Variants in TNRC6B observed in about 807,000 individuals in gnomAD.
The protein encoded by TNRC6B is trinucleotide repeat containing adaptor 6B.
Under a neutral mutation model 203.6 loss-of-function variants are expected in TNRC6B, and 52 were observed. The observed-to-expected ratio is 0.26, with a 90% CI of 0.20 to 0.32. TNRC6B has a LOEUF of 0.32. TNRC6B is among the 10% of genes least tolerant of loss of function. The pLI is 1.00. For synonymous variants in TNRC6B, 838 were observed against 845.7 expected (o/e 0.99, Z 0.16); for missense variants, 1,923 against 2,286.2 (o/e 0.84, Z 3.24).
In TNRC6B at chr22:40,266,686, A is replaced by G; in HGVS notation, c.2456A>G (p.Gln819Arg). 1 of 1,613,934 alleles carries G rather than the reference A, an allele frequency of 6.2e-7. No homozygotes were observed. The highest frequency in any genetic ancestry group is 8.5e-7 in the Non-Finnish European group (1 of 1,179,852). ...CGACAGCCCAATTCCTGGAATAAAC[A>G]ACACCAACAGCAGCAGCCCCCACAG... is the stretch of plus-strand genomic sequence containing the variant. ...TGRQPNSWNK[Q>R]HQQQQPPQQP... is the part of the protein sequence containing the mutation. The change falls in exon 5 of 23, where the codon CAA becomes CGA. Residue 819 changes from glutamine to arginine, a missense_variant. Physicochemically the swap from Gln to Arg is conservative, Grantham distance 43 (BLOSUM62 1). Transcript: ENST00000454349.
At chr22:40,100,235 T>G (rs984821162) in intron 1 of TNRC6B, among the ~76,000 whole-genome samples, 1 of 152,046 alleles carries the variant, frequency 6.6e-6, no homozygotes, top group South Asian at 2.1e-4. Context: ...TACAGGCCTG[T>G]GCCACCACAC....
rs563863871 is a variant in TNRC6B at position 40,321,522 on chromosome 22, C to T, written c.5114+293C>T. 7 of 293,136 alleles carry T rather than the reference C, an allele frequency of 2.4e-5. No homozygotes were observed. The East Asian group carries it at 3.2e-4, about 13-fold the overall frequency. 18.2% of individuals were successfully genotyped at this position (293,136 alleles called of 1,614,324 possible). A position where few individuals can be genotyped will look rare whatever the true frequency, so the allele number is the denominator to read the frequency against. ...TAAAGCTAGGGCCGGGCACAGTGGC[C>T]CATGCCTGTAATCCCAGCACTTTGG... On this transcript the variant is annotated intron_variant, in intron 22 of 22. Coordinates refer to ENST00000454349, the MANE Select transcript of TNRC6B (RefSeq NM_001162501.2).
intron 15 of TNRC6B, among the ~76,000 whole-genome samples, chr22:40,302,739 T>C (rs993044776): frequency 6.6e-5 from 10 of 152,008 alleles, no homozygotes; most frequent in Admixed American, 5.2e-4. Context: ...AACCCCGTGA[T>C]CCTCCTACTG....
rs747274198 is a variant in TNRC6B, at chr22:40,265,515, A to G, written c.1285A>G (p.Arg429Gly). 5.0e-6 allele frequency: 8 copies of G among 1,613,726 alleles called. No individual in the cohort carries two copies. The highest frequency in any genetic ancestry group is 6.8e-6 in the Non-Finnish European group (8 of 1,179,836). The change falls in exon 5 of 23, where the codon AGG becomes GGG. Residue 429 changes from arginine (R) to glycine (G), a missense_variant. By Grantham distance (125) the Arg-to-Gly change is moderately radical (BLOSUM62 -2). This residue lies in a region of TNRC6B where 614 missense variants were observed against 587.7 expected (regional missense o/e 1.04). Coordinates refer to ENST00000454349, the MANE Select transcript of TNRC6B (RefSeq NM_001162501.2). ...TGSVGSWGAA[R>G]GPSGTDTVSG... Reference sequence around the variant, plus strand: ...GAGTGTTGGATCTTGGGGTGCAGCTAGGGGGCCTTCTGGAACTGACACAGT... The same window carrying G: ...GAGTGTTGGATCTTGGGGTGCAGCTGGGGGGCCTTCTGGAACTGACACAGT...
In TNRC6B at chr22:40,203,261, G is replaced by A. The variant is rs111248013; in HGVS notation, c.5+25121G>A. Among the ~76,000 whole-genome samples the A allele has an allele frequency of 5.9e-5, 9 of 152,194 alleles. 1 individual carries two copies. Among genetic ancestry groups the A allele is most frequent in the African/African-American group, 2.2e-4 (9 of 41,536 alleles). ...AGACCTAATATGTCACAGCATGCCA[G>A]GCTTACCCCTGTCCAGGGTCTGGCC... On this transcript the variant is annotated intron_variant, in intron 1 of 22. Transcript: ENST00000454349.
chr22:40,270,035 A>C, intron 5 of TNRC6B, 87 bp from the exon 6 acceptor site: 1 of 1,324,568 alleles, frequency 7.5e-7, no homozygotes, highest in South Asian at 1.4e-5. Flanking sequence ...GAATATAGGC[A>C]TGCCTGTTCC....
chr22:40,141,444 C>A (rs1423000100), intron 3 of TNRC6B, among the ~76,000 whole-genome samples: 1 of 151,976 alleles, frequency 6.6e-6, no homozygotes, highest in East Asian at 1.9e-4. Context: ...GTGATTCCCC[C>A]ACTTTGGCCT....
At chr22:40,284,567 A>G (rs976783247) in intron 11 of TNRC6B, among the ~76,000 whole-genome samples, 1 of 152,206 alleles carries the variant, frequency 6.6e-6, no homozygotes, top group African/African-American at 2.4e-5. Context: ...TATTCATCCT[A>G]CAGACTGGGG....
At chr22:40,300,397 AT>A (rs1355108249) in intron 12 of TNRC6B, 57 bp from the exon 13 acceptor site, 2 of 1,443,822 alleles carry the variant, frequency 1.4e-6, no homozygotes, top group Admixed American at 3.1e-5. Context: ...AAACAGTTTT[AT>A]TTTGATAAAT....
intron 3 of TNRC6B, among the ~76,000 whole-genome samples, chr22:40,130,827 C>T (rs1237885809): frequency 2.0e-5 from 3 of 147,144 alleles, no homozygotes; most frequent in African/African-American, 7.6e-5. Flanking sequence ...AATAAACGGT[C>T]AATATGGTTT....
chr22:40,125,642 C>T, intron 2 of TNRC6B: 2 of 600,200 alleles, frequency 3.3e-6, no homozygotes, highest in Non-Finnish European at 5.8e-6. Flanking sequence ...CACACACACA[C>T]ACACAAAGTT....
At chr22:40,047,930 T>A (rs1009878854) in intron 1 of TNRC6B, among the ~76,000 whole-genome samples, 6 of 93,214 alleles carry the variant, frequency 6.4e-5, no homozygotes, top group Admixed American at 5.3e-4. Context: ...AAGTGTAGAT[T>A]TCGGATTCAT....
chr22:40,130,673 C>T (rs1025571911), intron 3 of TNRC6B, among the ~76,000 whole-genome samples: 2 of 145,064 alleles, frequency 1.4e-5, no homozygotes, highest in Admixed American at 6.7e-5. Context: ...TGTAGTCCCC[C>T]GCGGGAGGCT....
rs376204498 is a variant in TNRC6B at position 40,069,687 on chromosome 22, A to G, written c.-121+24689A>G. 3.8e-3 allele frequency among the ~76,000 whole-genome samples: 577 copies of G among 151,910 alleles called. 3 individuals carry two copies. The highest frequency in any genetic ancestry group is 0.013 in the African/African-American group (524 of 41,434). On this transcript the variant is annotated intron_variant, in intron 1 of 23. Coordinates refer to the TNRC6B transcript ENST00000301923. ...TTTTTAGTAGAGATGGGGTTTCTCCATGTTGGTCAGGCTGGTCTTGAACTC... is the reference window on the plus strand; with the variant it reads ...TTTTTAGTAGAGATGGGGTTTCTCCGTGTTGGTCAGGCTGGTCTTGAACTC...
chr22:40,078,627 C>T (rs531131799), intron 1 of TNRC6B, among the ~76,000 whole-genome samples: 10 of 151,956 alleles, frequency 6.6e-5, no homozygotes, highest in Non-Finnish European at 1.5e-4. Context: ...GGATCTCACT[C>T]TGTCATCCAG....
chr22:40,058,807 C>CT (rs761161242), intron 1 of TNRC6B, among the ~76,000 whole-genome samples: 7 of 152,128 alleles, frequency 4.6e-5, no homozygotes, highest in Non-Finnish European at 7.4e-5. Flanking sequence ...TTTAGTTTTT[C>CT]TTTTCTCTGT....
intron 5 of TNRC6B, among the ~76,000 whole-genome samples, chr22:40,267,988 G>GT (rs978853450): frequency 1.3e-5 from 2 of 152,194 alleles, no homozygotes; most frequent in African/African-American, 2.4e-5. Context: ...GCCATTCTTA[G>GT]TTTGTCATTG....
chr22:40,154,463 C>G (rs2068791895), intron 3 of TNRC6B, among the ~76,000 whole-genome samples: 1 of 150,718 alleles, frequency 6.6e-6, no homozygotes, highest in Non-Finnish European at 1.5e-5. Flanking sequence ...GACTCCATCT[C>G]AAAAATAAAT....
intron 21 of TNRC6B, 91 bp downstream of exon 21, chr22:40,316,103 C>T: frequency 8.0e-7 from 1 of 1,247,468 alleles, no homozygotes; most frequent in Non-Finnish European, 1.2e-6. Flanking sequence ...GCCTGTAATC[C>T]AAGCACTTTG....
Sources: allele counts gnomAD v4.1 joint callset (sites outside exome capture counted in the v4.1 genomes callset), GRCh38; gene constraint gnomAD v4.1.1; regional missense constraint gnomAD v4.1.1; transcripts MANE v1.5; gene names NCBI Gene and HGNC (gene_info 2026-07-23, HGNC 2026-07-21).